Variants in PRPF18 observed in about 807,000 individuals in gnomAD.
The protein encoded by PRPF18 is pre-mRNA-splicing factor 18.
PRPF18 carries 38 observed loss-of-function variants against 46.5 expected under a neutral mutation model. The observed-to-expected ratio is 0.82, with a 90% CI of 0.63 to 1.07. The LOEUF (loss-of-function observed/expected upper bound fraction) is 1.07. PRPF18 is among the 50% of genes least tolerant of loss of function. The pLI, the probability that PRPF18 is intolerant of heterozygous loss-of-function variation, is 0.00. For synonymous variants in PRPF18, 152 were observed against 146.7 expected (o/e 1.04, Z -0.26); for missense variants, 263 against 410.0 (o/e 0.64, Z 3.10).
At chr10:13,591,384 A>G in intron 1 of PRPF18, 1 of 422,710 alleles carries the variant, frequency 2.4e-6, no homozygotes, top group Non-Finnish European at 4.2e-6. Context: ...TACAACCACA[A>G]ATGATTTTAT....
At chr10:13,633,387 C>G (rs2080607784), downstream of PRPF18, among the ~76,000 whole-genome samples, 1 of 152,148 alleles carries the variant, frequency 6.6e-6, no homozygotes, top group African/African-American at 2.4e-5. Context: ...CTTCAGAGCA[C>G]TCTAGGGTTT....
chr10:13,649,815 G>A, the PRPF18 span, among the ~76,000 whole-genome samples: 2 of 152,172 alleles, frequency 1.3e-5, no homozygotes, highest in African/African-American at 2.4e-5. Flanking sequence ...CCCTTAGGAA[G>A]CATTTATTCT....
intron 2 of PRPF18, among the ~76,000 whole-genome samples, chr10:13,598,616 A>G (rs903389961): frequency 2.0e-5 from 3 of 152,238 alleles, no homozygotes; most frequent in Non-Finnish European, 2.9e-5. Context: ...TTTTTAAAAT[A>G]TGGGAAAGTT....
Position 13,611,697 on chromosome 10 carries a change from G to A in PRPF18, c.579+14G>A. Reference sequence around the variant, plus strand: ...AAATTCCTGAAGGTGCGTGTCTTAGGCGAGGGGATGAGGATGCCTTGGATC... The same window carrying A: ...AAATTCCTGAAGGTGCGTGTCTTAGACGAGGGGATGAGGATGCCTTGGATC... On this transcript the variant is annotated intron_variant, in intron 6 of 9. Coordinates refer to ENST00000378572, the MANE Select transcript of PRPF18 (RefSeq NM_003675.4). The A allele has an allele frequency of 6.2e-7, 1 of 1,609,972 alleles. No homozygotes were observed. Among genetic ancestry groups the A allele is most frequent in the African/African-American group, 1.3e-5 (1 of 74,868 alleles).
chr10:13,640,588 C>T, the PRPF18 span: 1 of 121,430 alleles, frequency 8.2e-6, no homozygotes, highest in Non-Finnish European at 1.8e-5. Context: ...TCATTCCTAC[C>T]CTGCTGTTCC....
chr10:13,624,959 G>A (rs1271450495), intron 9 of PRPF18, among the ~76,000 whole-genome samples: 2 of 152,078 alleles, frequency 1.3e-5, no homozygotes, highest in Non-Finnish European at 2.9e-5. Flanking sequence ...TGAAAACAGA[G>A]ACCAAAACAC....
At chr10:13,632,349 C>T (rs574007405), downstream of PRPF18, among the ~76,000 whole-genome samples, 8 of 151,550 alleles carry the variant, frequency 5.3e-5, no homozygotes, top group South Asian at 1.3e-3. Flanking sequence ...CCCTCCCCCC[C>T]GCAAAAAAAA....
At chr10:13,613,519 T>A (rs886680522) in intron 6 of PRPF18, among the ~76,000 whole-genome samples, 2 of 152,240 alleles carry the variant, frequency 1.3e-5, no homozygotes, top group Non-Finnish European at 2.9e-5. Flanking sequence ...GAGCTAGGAA[T>A]AGATGTAGAC....
chr10:13,620,369 G>A (rs1351617908), intron 9 of PRPF18, among the ~76,000 whole-genome samples: 1 of 152,188 alleles, frequency 6.6e-6, no homozygotes, highest in Non-Finnish European at 1.5e-5. Flanking sequence ...GATGTTGGCC[G>A]AGGAGGTAAT....
intron 4 of PRPF18, among the ~76,000 whole-genome samples, chr10:13,607,095 T>C (rs2133552862): frequency 6.6e-6 from 1 of 152,248 alleles, no homozygotes; most frequent in Non-Finnish European, 1.5e-5. Context: ...TCTTTCCTTA[T>C]TTATTTATTT....
chr10:13,631,357 G>C (rs556278386), downstream of PRPF18: 1 of 152,426 alleles, frequency 6.6e-6, no homozygotes, highest in East Asian at 1.9e-4. Flanking sequence ...GGTGGCGCTG[G>C]ATAGCGGTAA....
intron 2 of PRPF18, among the ~76,000 whole-genome samples, chr10:13,598,768 T>C (rs1367830098): frequency 6.6e-6 from 1 of 152,204 alleles, no homozygotes; most frequent in Non-Finnish European, 1.5e-5. Flanking sequence ...CAGTGTTGTC[T>C]AACACACACT....
the PRPF18 span, among the ~76,000 whole-genome samples, chr10:13,636,352 G>A: frequency 1.3e-5 from 2 of 152,204 alleles, no homozygotes; most frequent in African/African-American, 2.4e-5. Context: ...CCAGGAGGTC[G>A]AGGCTGTAGT....
intron 1 of PRPF18, among the ~76,000 whole-genome samples, chr10:13,588,404 C>G (rs2079907985): frequency 6.9e-6 from 1 of 145,786 alleles, no homozygotes; most frequent in South Asian, 2.1e-4. Context: ...GAGACACCGT[C>G]TCAAAAAAAA....
intron 9 of PRPF18, among the ~76,000 whole-genome samples, chr10:13,621,561 T>C (rs1189994729): frequency 1.3e-5 from 2 of 152,244 alleles, no homozygotes; most frequent in Admixed American, 1.3e-4. Context: ...TAGGTTGCTC[T>C]ACTGTGTCTT....
chr10:13,601,682 C>T (rs2133385628), intron 3 of PRPF18, among the ~76,000 whole-genome samples: 1 of 152,178 alleles, frequency 6.6e-6, no homozygotes, highest in East Asian at 1.9e-4. Flanking sequence ...ACATTTTTTA[C>T]AGTAAACATG....
At chr10:13,593,941 C>A (rs2079999376) in intron 1 of PRPF18, among the ~76,000 whole-genome samples, 1 of 152,100 alleles carries the variant, frequency 6.6e-6, no homozygotes, top group African/African-American at 2.4e-5. Flanking sequence ...GGTAAATACC[C>A]CAGGACCAAT....
the PRPF18 span, chr10:13,645,920 T>C: frequency 6.5e-6 from 1 of 152,774 alleles, no homozygotes; most frequent in South Asian, 2.1e-4. Flanking sequence ...CTTTTACTGG[T>C]TGGTTTAATG....
At chr10:13,597,740 C>G in intron 2 of PRPF18, 1 of 1,379,690 alleles carries the variant, frequency 7.2e-7, no homozygotes, top group Non-Finnish European at 9.9e-7. Flanking sequence ...TGACTTTTGG[C>G]TTGGAATGGT....
Sources: gnomAD v4.1 joint callset for allele counts (sites outside exome capture counted in the v4.1 genomes callset) on GRCh38, gnomAD v4.1.1 for gene constraint, MANE v1.5 for transcripts, NCBI Gene and HGNC (gene_info 2026-07-23, HGNC 2026-07-21) for gene names.